DUOXA1: variants seen among roughly 807,000 people sequenced by gnomAD.
DUOXA1 encodes the protein dual oxidase maturation factor 1.
DUOXA1 carries 19 observed loss-of-function variants against 26.6 expected under a neutral mutation model. The observed-to-expected ratio is 0.71, with a 90% confidence interval of 0.50 to 1.05. The LOEUF (loss-of-function observed/expected upper bound fraction) is 1.05, where lower values mean the gene tolerates loss of function less well. Ranked by LOEUF, DUOXA1 falls within the 50% of genes least tolerant of loss-of-function variation. DUOXA1 has a pLI of 0.00. For synonymous variants in DUOXA1, 166 were observed against 177.0 expected (o/e 0.94, Z 0.49); for missense variants, 403 against 427.5 (o/e 0.94, Z 0.51).
At chr15:45,126,846 C>T (rs115880143) in intron 3 of DUOXA1, among the ~76,000 whole-genome samples, 402 of 152,372 alleles carry the variant, frequency 2.6e-3, no homozygotes, top group African/African-American at 9.3e-3. Flanking sequence ...AGGGATTTGA[C>T]TAACCCTGTC....
At chr15:45,122,438 C>T (rs1895310132) in intron 4 of DUOXA1, among the ~76,000 whole-genome samples, 196 bp from the exon 5 acceptor site, 1 of 152,174 alleles carries the variant, frequency 6.6e-6, no homozygotes, top group Non-Finnish European at 1.5e-5. Flanking sequence ...CAGGATCTCA[C>T]TCTCTTGCCC....
chr15:45,122,753 CTT>C, intron 4 of DUOXA1, 113 bp downstream of exon 4: 1 of 1,336,844 alleles, frequency 7.5e-7, no homozygotes, highest in Non-Finnish European at 1.0e-6. Context: ...TCGTGGCTAT[CTT>C]TTCTCCGCAC....
chr15:45,129,652 A>T lies in DUOXA1; in HGVS notation c.-302-37T>A, dbSNP rs1896008049. On this transcript the variant is annotated intron_variant, in intron 1 of 8. Transcript: ENST00000560572. This position sits in a 1 kb window ranked among gnomAD's most constrained non-coding sequence, Gnocchi z 4.1. ...AGGTGATCGATGGCCTTGGACTTGGAGCCCAGACCCGACGGTGTCGAGAGG... is the reference window on the plus strand; with the variant it reads ...AGGTGATCGATGGCCTTGGACTTGGTGCCCAGACCCGACGGTGTCGAGAGG... The T allele has an allele frequency of 6.5e-6, 1 of 153,150 alleles. No individual in the cohort carries two copies. Among genetic ancestry groups the T allele is most frequent in the African/African-American group, 2.4e-5 (1 of 41,390 alleles). 9.5% of individuals were successfully genotyped at this position (153,150 alleles called of 1,614,324 possible). A position where few individuals can be genotyped will look rare whatever the true frequency, so the allele number is the denominator to read the frequency against.
chr15:45,117,893 T>C lies in DUOXA1; in HGVS notation c.*1213A>G. 1.2e-6 allele frequency: 2 copies of C among 1,613,406 alleles called. No homozygotes were observed. The highest frequency in any genetic ancestry group is 1.7e-6 in the Non-Finnish European group (2 of 1,180,038). On this transcript the variant is annotated 3_prime_UTR_variant, in exon 9 of 9. Transcript: ENST00000560572. ...GCCGCTCTCCCAGACTTAAAATGTA[T>C]CACCACTAACCTGTGAGGGGGACCC...
chr15:45,123,963 AG>A (rs1895459565), intron 3 of DUOXA1, among the ~76,000 whole-genome samples: 1 of 152,242 alleles, frequency 6.6e-6, no homozygotes, highest in African/African-American at 2.4e-5. Flanking sequence ...GCACAAATAA[AG>A]GGGAAAAAAA....
In DUOXA1 at chr15:45,119,079, T is replaced by C; in HGVS notation, c.*27A>G. The C allele has an allele frequency of 6.5e-7, 1 of 1,547,808 alleles. No individual in the cohort carries two copies. The highest frequency in any genetic ancestry group is 8.8e-7 in the Non-Finnish European group (1 of 1,139,754). Reference sequence around the variant, plus strand: ...ATGAGGTTTGGAGCCAGACTGGAAGTCCAGGTGGCCTCCACGGGGAGGAAT... The same window carrying C: ...ATGAGGTTTGGAGCCAGACTGGAAGCCCAGGTGGCCTCCACGGGGAGGAAT... On this transcript the variant is annotated 3_prime_UTR_variant, in exon 9 of 9. Transcript: ENST00000560572.
chr15:45,123,476 G>C (rs561729429), intron 3 of DUOXA1, among the ~76,000 whole-genome samples: 1 of 152,354 alleles, frequency 6.6e-6, no homozygotes, highest in African/African-American at 2.4e-5. Flanking sequence ...ATTACAAAAA[G>C]ATTGGCTTTC....
rs768519942 is a variant in DUOXA1, at chr15:45,121,271, AC to A, written c.206-51del. On this transcript the variant is annotated intron_variant, in intron 5 of 8. Transcript: ENST00000560572. ...GGGAACTCAGAGATGACTGGGCATT[AC>A]TAGGTTAGAGTCAGAAGGAGAAATA... is the stretch of plus-strand genomic sequence containing the variant. The A allele has an allele frequency of 2.5e-6, 4 of 1,613,300 alleles. No individual in the cohort carries two copies. In the South Asian group the frequency reaches 4.4e-5, roughly 18 times the overall value.
chr15:45,118,999 G>T lies in DUOXA1; in HGVS notation c.*107C>A, dbSNP rs184157954. 6.8e-7 allele frequency: 1 copy of T among 1,479,776 alleles called. No homozygotes were observed. The allele number at this position is 1,479,776 out of a possible 1,614,324, so 91.7% of individuals were successfully genotyped here. ...TCTACTCCGTCTGTAGATTGGTGCTGGGTGTCTGGTAACAGCCACCCTGAG... is the reference window on the plus strand; with the variant it reads ...TCTACTCCGTCTGTAGATTGGTGCTTGGTGTCTGGTAACAGCCACCCTGAG... On this transcript the variant is annotated 3_prime_UTR_variant, in exon 9 of 9. Transcript: ENST00000560572.
intron 3 of DUOXA1, among the ~76,000 whole-genome samples, chr15:45,125,476 G>T (rs930491169): frequency 6.6e-6 from 1 of 152,010 alleles, no homozygotes; most frequent in Non-Finnish European, 1.5e-5. Flanking sequence ...TCACAGCCAG[G>T]CTTTTGAAAA....
At chr15:45,120,907 A>G (rs1192115475) in intron 6 of DUOXA1, 102 bp from the exon 7 acceptor site, 6 of 1,502,872 alleles carry the variant, frequency 4.0e-6, no homozygotes, top group Middle Eastern at 2.3e-4. Flanking sequence ...AGTGGTCTCA[A>G]CTGAGAGAAG....
chr15:45,124,055 A>G (rs1002576079), intron 3 of DUOXA1, among the ~76,000 whole-genome samples: 3 of 150,502 alleles, frequency 2.0e-5, no homozygotes, highest in South Asian at 4.2e-4. Context: ...AAAAAAAAAA[A>G]TGCATCTTAG....
At chr15:45,128,026 G>C (rs62025124) in intron 3 of DUOXA1, among the ~76,000 whole-genome samples, 1,574 of 152,212 alleles carry the variant, frequency 0.01, 18 homozygotes, top group Middle Eastern at 0.021. Context: ...CCACACTTTA[G>C]GGTCCTCCTT....
chr15:45,118,363 C>T lies in DUOXA1; in HGVS notation c.*743G>A. 8.8e-7 allele frequency: 1 copy of T among 1,141,098 alleles called. No homozygotes were observed. The highest frequency in any genetic ancestry group is 3.4e-5 in the South Asian group (1 of 29,428). The allele number at this position is 1,141,098 out of a possible 1,614,324, so 70.7% of individuals were successfully genotyped here. ...GTCACCCACTCCCCCGTCCTGGATG[C>T]CACTCAGCTAGCCCAGCTGAGTGGG... On this transcript the variant is annotated 3_prime_UTR_variant, in exon 9 of 9. Transcript: ENST00000560572.
At position 45,117,861 on chromosome 15, in the gene DUOXA1, C is replaced by G. The variant is rs374399422; in HGVS notation, c.*1245G>C. On this transcript the variant is annotated 3_prime_UTR_variant, in exon 9 of 9. Transcript: ENST00000560572. Reference sequence around the variant, plus strand: ...CTCTTATCCTCGGCGACCCACTGCACAAGCAGGCCGCTCTCCCAGACTTAA... The same window carrying G: ...CTCTTATCCTCGGCGACCCACTGCAGAAGCAGGCCGCTCTCCCAGACTTAA... 6.2e-7 allele frequency: 1 copy of G among 1,613,718 alleles called. No individual in the cohort carries two copies. Among genetic ancestry groups the G allele is most frequent in the Admixed American group, 1.7e-5 (1 of 60,036 alleles).
rs1327622126 is a variant in DUOXA1, at chr15:45,117,734, T to C, written c.*1372A>G. 3 of 1,612,980 alleles carry C rather than the reference T, an allele frequency of 1.9e-6. No homozygotes were observed. Among genetic ancestry groups the C allele is most frequent in the African/African-American group, 2.7e-5 (2 of 75,050 alleles). On this transcript the variant is annotated 3_prime_UTR_variant, in exon 9 of 9. Transcript: ENST00000560572. ...GCCACAGGCGTCCTGTGCCTCTTCC[T>C]CGGAGGGGCCGTGGTGAGTCTCCAG...
At chr15:45,121,467 A>G (rs1895199136) in intron 5 of DUOXA1, among the ~76,000 whole-genome samples, 1 of 152,192 alleles carries the variant, frequency 6.6e-6, no homozygotes, top group Non-Finnish European at 1.5e-5. Context: ...GGAGCTGGGA[A>G]GGAAACATGA....
In DUOXA1 at chr15:45,120,440, C is replaced by T. The variant is rs182466172; in HGVS notation, c.555-120G>A. ...GACCCAAAGATATGAGGTAGGGATT[C>T]CTTCCCATGGACTTCCCAAGCCAGC... On this transcript the variant is annotated intron_variant, in intron 7 of 8. Transcript: ENST00000560572. 2.3e-5 allele frequency: 34 copies of T among 1,463,054 alleles called. No individual in the cohort carries two copies. In the East Asian group the frequency reaches 7.7e-4, roughly 33 times the overall value. The allele number at this position is 1,463,054 out of a possible 1,614,324, so 90.6% of individuals were successfully genotyped here. A position where few individuals can be genotyped will look rare whatever the true frequency, so the allele number is the denominator to read the frequency against.
At chr15:45,123,065 T>G (rs951124686) in intron 3 of DUOXA1, 22 bp from the exon 4 acceptor site, 1 of 1,547,172 alleles carries the variant, frequency 6.5e-7, no homozygotes, top group Non-Finnish European at 8.7e-7. Context: ...CAATAGACAT[T>G]TATTGCATGC....
Sources: allele counts gnomAD v4.1 joint callset (sites outside exome capture counted in the v4.1 genomes callset), GRCh38; gene constraint gnomAD v4.1.1; non-coding constraint Gnocchi (gnomAD v3.1); transcripts MANE v1.5; gene names NCBI Gene and HGNC (gene_info 2026-07-23, HGNC 2026-07-21).